Variants in CRACR2A observed in about 807,000 individuals in gnomAD.
CRACR2A encodes calcium release activated channel regulator 2A.
Under a neutral mutation model 90.5 loss-of-function variants are expected in CRACR2A, and 79 were observed. That is an observed-to-expected ratio of 0.87 (90% CI 0.73 to 1.05). The LOEUF (loss-of-function observed/expected upper bound fraction) is 1.05, where lower values mean the gene tolerates loss of function less well. CRACR2A is among the 50% of genes least tolerant of loss of function. The pLI is 0.00. For synonymous variants in CRACR2A, 338 were observed against 356.7 expected, an observed-to-expected ratio of 0.95 and a Z score of 0.59; for missense variants, 823 against 897.2, an observed-to-expected ratio of 0.92 and a Z score of 1.06.
At chr12:3,661,388 T>C (rs149103432) in intron 7 of CRACR2A, among the ~76,000 whole-genome samples, 1 of 152,312 alleles carries the variant, frequency 6.6e-6, no homozygotes, top group East Asian at 1.9e-4. Context: ...TTTGAGTGAC[T>C]GTACAGTAAC....
chr12:3,733,872 GACACACACACACAC>G (rs56412036), intron 1 of CRACR2A, among the ~76,000 whole-genome samples: 40 of 136,178 alleles, frequency 2.9e-4, no homozygotes, highest in South Asian at 2.5e-4. Flanking sequence ...AAATTTTCAG[GACACACACACACAC>G]ACACACACAC....
intron 7 of CRACR2A, among the ~76,000 whole-genome samples, chr12:3,668,195 A>T (rs1945180749): frequency 1.3e-5 from 2 of 152,074 alleles, no homozygotes; most frequent in African/African-American, 4.8e-5. Flanking sequence ...CAACCTCGTC[A>T]CCTAGAGTCC....
chr12:3,682,001 C>A (rs1326197989), intron 4 of CRACR2A, among the ~76,000 whole-genome samples: 1 of 152,208 alleles, frequency 6.6e-6, no homozygotes, highest in Non-Finnish European at 1.5e-5. Flanking sequence ...TCAGCAGAAT[C>A]TCTGACTTAT....
At chr12:3,701,496 T>C (rs1591698707) in intron 3 of CRACR2A, among the ~76,000 whole-genome samples, 1 of 152,262 alleles carries the variant, frequency 6.6e-6, no homozygotes, top group Middle Eastern at 3.4e-3. Flanking sequence ...TCATTACAGA[T>C]ACTATAGACA....
chr12:3,708,568 G>A (rs554026656), intron 3 of CRACR2A, among the ~76,000 whole-genome samples: 10 of 152,286 alleles, frequency 6.6e-5, no homozygotes, highest in African/African-American at 2.2e-4. Flanking sequence ...GGGACTACAG[G>A]TGCCCGCCAC....
intron 1 of CRACR2A, among the ~76,000 whole-genome samples, chr12:3,750,443 T>C (rs1369217361): frequency 6.6e-6 from 1 of 152,222 alleles, no homozygotes; most frequent in African/African-American, 2.4e-5. Context: ...ACACCGTGAT[T>C]CTATGACATT....
chr12:3,656,518 C>A, intron 8 of CRACR2A, 112 bp from the exon 9 acceptor site: 1 of 909,754 alleles, frequency 1.1e-6, no homozygotes, highest in Middle Eastern at 2.2e-4. Flanking sequence ...CCTATTAGAC[C>A]ATGGGGCTTT....
intron 1 of CRACR2A, among the ~76,000 whole-genome samples, chr12:3,739,078 A>T (rs1421333073): frequency 1.3e-5 from 2 of 151,972 alleles, no homozygotes; most frequent in Non-Finnish European, 2.9e-5. Flanking sequence ...ACTCTCACTG[A>T]AAATGAAAAT....
At chr12:3,668,066 T>C (rs987398030) in intron 7 of CRACR2A, among the ~76,000 whole-genome samples, 2 of 152,252 alleles carry the variant, frequency 1.3e-5, no homozygotes, top group African/African-American at 4.8e-5. Context: ...TTACAAATCA[T>C]GCCCATGGTG....
chr12:3,645,463 G>A (rs916144736), intron 11 of CRACR2A, among the ~76,000 whole-genome samples: 2 of 152,056 alleles, frequency 1.3e-5, no homozygotes, highest in African/African-American at 2.4e-5. Context: ...GACACTGTAC[G>A]AACTTTGATT....
At chr12:3,666,231 CTGAAAACCCAGA>C (rs1162627803) in intron 7 of CRACR2A, among the ~76,000 whole-genome samples, 1 of 152,040 alleles carries the variant, frequency 6.6e-6, no homozygotes, top group Non-Finnish European at 1.5e-5. Context: ...ATGAGTCCTA[CTGAAAACCCAGA>C]TGAAAACCCA....
intron 1 of CRACR2A, among the ~76,000 whole-genome samples, chr12:3,751,746 G>A (rs1452071341): frequency 6.6e-6 from 1 of 151,496 alleles, no homozygotes; most frequent in Non-Finnish European, 1.5e-5. Context: ...ACACTTTATA[G>A]TATAGAACCG....
intron 15 of CRACR2A, among the ~76,000 whole-genome samples, chr12:3,628,272 C>T (rs1399811086): frequency 2.6e-5 from 4 of 151,636 alleles, no homozygotes; most frequent in Admixed American, 2.6e-4. Context: ...CTTTCAGAGG[C>T]CCCCTAGTAA....
intron 19 of CRACR2A, among the ~76,000 whole-genome samples, chr12:3,615,897 G>C (rs1300988444): frequency 6.6e-6 from 1 of 152,244 alleles, no homozygotes; most frequent in Non-Finnish European, 1.5e-5. Context: ...ATATACTGAT[G>C]GGTCGTAACC....
At chr12:3,748,039 C>T (rs1946651628) in intron 1 of CRACR2A, among the ~76,000 whole-genome samples, 2 of 152,048 alleles carry the variant, frequency 1.3e-5, no homozygotes, top group South Asian at 2.1e-4. Flanking sequence ...CAGGGGTGCA[C>T]CCAGAAGGGC....
At chr12:3,736,239 G>C (rs554957809) in intron 1 of CRACR2A, among the ~76,000 whole-genome samples, 13 of 151,920 alleles carry the variant, frequency 8.6e-5, no homozygotes, top group African/African-American at 3.1e-4. Flanking sequence ...AGTGCAGAGA[G>C]AGGAGGGATA....
intron 1 of CRACR2A, among the ~76,000 whole-genome samples, chr12:3,748,321 C>A (rs1946655043): frequency 6.6e-6 from 1 of 152,160 alleles, no homozygotes; most frequent in Admixed American, 6.5e-5. Flanking sequence ...CTTCTAGAAA[C>A]ACCTGGAGCA....
intron 15 of CRACR2A, among the ~76,000 whole-genome samples, chr12:3,632,500 C>T (rs911044788): frequency 6.6e-6 from 1 of 152,206 alleles, no homozygotes; most frequent in Non-Finnish European, 1.5e-5. Context: ...TGAACCTCCA[C>T]AGCCCCTCCT....
chr12:3,670,797 A>G (rs536746684), intron 7 of CRACR2A, among the ~76,000 whole-genome samples: 65 of 152,218 alleles, frequency 4.3e-4, no homozygotes, highest in Non-Finnish European at 8.7e-4. Context: ...CCCTGCTCAA[A>G]ACAGTCTGCA....
Sources: gnomAD v4.1 joint callset for allele counts (sites outside exome capture counted in the v4.1 genomes callset) on GRCh38, gnomAD v4.1.1 for gene constraint, MANE v1.5 for transcripts, NCBI Gene and HGNC (gene_info 2026-07-23, HGNC 2026-07-21) for gene names.